Variants in MAP7D2 observed in about 807,000 individuals in gnomAD.
The protein encoded by MAP7D2 is MAP7 domain containing 2.
A neutral mutation model predicts 63.5 loss-of-function variants in MAP7D2; 33 were observed. The ratio of observed to expected loss-of-function variants is 0.52; its 90% confidence interval spans 0.39 to 0.70. The LOEUF is 0.70. MAP7D2 is among the 30% of genes least tolerant of loss of function. The pLI is 0.00. For missense variants in MAP7D2, 626 were observed against 604.0 expected (o/e 1.04, Z -0.38); for synonymous variants, 224 against 223.7 (o/e 1.00, Z -0.01).
chrX:20,011,413 T>C (rs1189305630), intron 15 of MAP7D2, among the ~76,000 whole-genome samples: 2 of 112,413 alleles, frequency 1.8e-5, no homozygotes, highest in African/African-American at 3.2e-5. Context: ...AGAAAGCCAA[T>C]GCCAAAAGTT....
At chrX:20,059,424 C>T (rs2065141478) in intron 3 of MAP7D2, among the ~76,000 whole-genome samples, 1 of 111,845 alleles carries the variant, frequency 8.9e-6, no homozygotes, top group African/African-American at 3.3e-5. Context: ...AAAGTTCCAT[C>T]ACATTAGAAA....
intron 10 of MAP7D2, 112 bp from the exon 11 acceptor site, chrX:20,016,437 C>T (rs1333645731): frequency 8.1e-6 from 5 of 614,858 alleles, no homozygotes; most frequent in Admixed American, 3.0e-5. Context: ...CACACACATA[C>T]CTTTCAACGA....
chrX:20,051,402 A>T (rs1405209121), intron 5 of MAP7D2, among the ~76,000 whole-genome samples: 6 of 111,090 alleles, frequency 5.4e-5, no homozygotes, highest in Non-Finnish European at 1.1e-4. Context: ...ATACAAAAAA[A>T]TTAGCTGGGC....
chrX:20,111,390 A>G (rs375121770), intron 1 of MAP7D2, among the ~76,000 whole-genome samples: 1 of 112,268 alleles, frequency 8.9e-6, no homozygotes, highest in Admixed American at 9.5e-5. Flanking sequence ...GGGAATGTAC[A>G]GGAGGTGAAA....
intron 1 of MAP7D2, among the ~76,000 whole-genome samples, chrX:20,098,644 C>T (rs188294965): frequency 6.8e-4 from 76 of 111,428 alleles, no homozygotes; most frequent in African/African-American, 2.3e-3. Flanking sequence ...ACCCCTCCAG[C>T]CCCAGAGAAT....
chrX:20,098,201 C>T (rs774182302), intron 1 of MAP7D2, among the ~76,000 whole-genome samples: 9 of 111,769 alleles, frequency 8.1e-5, no homozygotes, highest in African/African-American at 2.9e-4. Context: ...TCACAATCCT[C>T]CTGTCAACCC....
rs200982608 is a variant in MAP7D2, at chrX:20,013,520, C to A, written c.1806+49G>T. 2.3e-5 allele frequency: 24 copies of A among 1,041,558 alleles called. No homozygotes were observed. In the East Asian group the frequency reaches 7.4e-4, roughly 32 times the overall value. The allele number at this position is 1,041,558 out of a possible 1,213,427, so 85.8% of individuals were successfully genotyped here. A position where few individuals can be genotyped will look rare whatever the true frequency, so the allele number is the denominator to read the frequency against. On this transcript the variant is annotated intron_variant, in intron 13 of 16. Coordinates refer to ENST00000379643, the MANE Select transcript of MAP7D2 (RefSeq NM_001168465.2). ...ATTTCACTGAGTGTATTCTGCTGTTCTTTTCTACTTAGTACATAAACTATT... is the reference window on the plus strand; with the variant it reads ...ATTTCACTGAGTGTATTCTGCTGTTATTTTCTACTTAGTACATAAACTATT...
intron 1 of MAP7D2, among the ~76,000 whole-genome samples, chrX:20,092,851 T>G (rs1355907906): frequency 8.9e-6 from 1 of 112,582 alleles, no homozygotes; most frequent in Non-Finnish European, 1.9e-5. Flanking sequence ...GAAACTGTAA[T>G]TTGACTATTA....
At chrX:20,066,722 CATCT>C (rs1478536925) in intron 1 of MAP7D2, among the ~76,000 whole-genome samples, 2 of 111,447 alleles carry the variant, frequency 1.8e-5, no homozygotes, top group Non-Finnish European at 3.8e-5. Flanking sequence ...TACCCTGCTC[CATCT>C]GTTTAAACCC....
At chrX:20,091,818 T>C (rs2066078003) in intron 1 of MAP7D2, among the ~76,000 whole-genome samples, 1 of 111,917 alleles carries the variant, frequency 8.9e-6, no homozygotes, top group Admixed American at 9.5e-5. Flanking sequence ...CCAAAAACAA[T>C]CTGTAGATAG....
intron 1 of MAP7D2, among the ~76,000 whole-genome samples, chrX:20,108,881 G>A (rs1341436834): frequency 7.2e-5 from 8 of 110,720 alleles, no homozygotes; most frequent in African/African-American, 2.6e-4. Context: ...TCCTAAGGCA[G>A]GAAGCCGATT....
intron 10 of MAP7D2, among the ~76,000 whole-genome samples, chrX:20,022,204 A>G (rs2073677035): frequency 8.9e-6 from 1 of 111,732 alleles, no homozygotes; most frequent in South Asian, 3.7e-4. Flanking sequence ...ACGTGGGGGC[A>G]AAGTAAAAGC....
rs889415039 is a variant in MAP7D2 at position 20,006,877 on chromosome X, T to C, written c.*1548A>G. On this transcript the variant is annotated 3_prime_UTR_variant, in exon 17 of 17. Coordinates refer to ENST00000379643, the MANE Select transcript of MAP7D2 (RefSeq NM_001168465.2). ...GCTAGCAAGTCATCAGACTCTTCAATGAAAATGTATTTCACATTAAACACA... is the reference window on the plus strand; with the variant it reads ...GCTAGCAAGTCATCAGACTCTTCAACGAAAATGTATTTCACATTAAACACA... The C allele has an allele frequency of 1.8e-5, 2 of 112,311 alleles. No individual in the cohort carries two copies. The highest frequency in any genetic ancestry group is 3.8e-5 in the Non-Finnish European group (2 of 53,315). The allele number at this position is 112,311 out of a possible 1,213,427, so 9.3% of individuals were successfully genotyped here.
At chrX:20,094,615 C>T (rs1228248116) in intron 1 of MAP7D2, among the ~76,000 whole-genome samples, 2 of 81,226 alleles carry the variant, frequency 2.5e-5, no homozygotes, top group African/African-American at 8.3e-5. Context: ...CTTGCTCTGT[C>T]GCCCAGGATG....
chrX:20,013,696 T>A, intron 12 of MAP7D2, 71 bp from the exon 13 acceptor site: 1 of 730,143 alleles, frequency 1.4e-6, no homozygotes, highest in Non-Finnish European at 2.0e-6. Context: ...AGTAGCTTGG[T>A]TTACATGCAA....
intron 5 of MAP7D2, chrX:20,052,390 T>A (rs2064971858): frequency 3.4e-6 from 1 of 293,011 alleles, no homozygotes; most frequent in African/African-American, 2.8e-5. Context: ...CCTCATTAGT[T>A]CTGTGCTTCT....
chrX:20,107,200 G>A (rs2066593746), intron 1 of MAP7D2, among the ~76,000 whole-genome samples: 1 of 110,914 alleles, frequency 9.0e-6, no homozygotes, highest in Admixed American at 9.7e-5. Flanking sequence ...GGGAAGCCAG[G>A]ATTGGTTGGT....
At chrX:20,113,637 C>G (rs898799629) in intron 1 of MAP7D2, among the ~76,000 whole-genome samples, 1 of 111,798 alleles carries the variant, frequency 8.9e-6, no homozygotes, top group East Asian at 2.8e-4. Flanking sequence ...GGACCCAATG[C>G]CTTTGCTACT....
intron 1 of MAP7D2, among the ~76,000 whole-genome samples, chrX:20,114,457 G>GA (rs2066836068): frequency 8.9e-6 from 1 of 112,903 alleles, no homozygotes; most frequent in Non-Finnish European, 1.9e-5. Context: ...TTGTTAAGCA[G>GA]ATTGAAACAA....
Sources: gnomAD v4.1 joint callset for allele counts (sites outside exome capture counted in the v4.1 genomes callset) on GRCh38, gnomAD v4.1.1 for gene constraint, MANE v1.5 for transcripts, NCBI Gene and HGNC (gene_info 2026-07-23, HGNC 2026-07-21) for gene names.